PACRG: variants seen among roughly 807,000 people sequenced by gnomAD.
PACRG encodes parkin coregulated gene protein.
In PACRG, 29 loss-of-function variants were observed where a neutral mutation model predicts 29.7. The observed-to-expected ratio is 0.98, with a 90% confidence interval of 0.73 to 1.33. The LOEUF (loss-of-function observed/expected upper bound fraction) is 1.33. PACRG is among the 40% of genes most tolerant of loss of function. The pLI is 0.00. For synonymous variants in PACRG, 116 were observed against 118.7 expected (o/e 0.98, Z 0.15); for missense variants, 279 against 316.2 (o/e 0.88, Z 0.89).
intron 4 of PACRG, among the ~76,000 whole-genome samples, chr6:163,103,102 G>T (rs1815190973): frequency 6.6e-6 from 1 of 152,172 alleles, no homozygotes; most frequent in Non-Finnish European, 1.5e-5. Flanking sequence ...TTATCTCACA[G>T]TTCTGCAGAT....
chr6:162,932,639 AT>A (rs1562748451), intron 2 of PACRG, among the ~76,000 whole-genome samples: 1 of 151,570 alleles, frequency 6.6e-6, no homozygotes, highest in Non-Finnish European at 1.5e-5. Context: ...GAAGCTTATC[AT>A]TTTTTTCTAG....
At chr6:163,017,095 C>G (rs961591525) in intron 2 of PACRG, among the ~76,000 whole-genome samples, 49 of 152,068 alleles carry the variant, frequency 3.2e-4, no homozygotes, top group African/African-American at 1.2e-3. Context: ...TTTCAGTTAA[C>G]TTTTCCTTAG....
intron 4 of PACRG, among the ~76,000 whole-genome samples, chr6:163,266,498 G>A (rs1783531626): frequency 6.6e-6 from 1 of 152,200 alleles, no homozygotes; most frequent in Non-Finnish European, 1.5e-5. Context: ...GGGGAAATGT[G>A]TGGAACAGAT....
chr6:162,929,294 TA>T (rs373842852), intron 2 of PACRG, among the ~76,000 whole-genome samples: 5 of 152,138 alleles, frequency 3.3e-5, no homozygotes, highest in Non-Finnish European at 7.4e-5. Flanking sequence ...TCCTTTTTGG[TA>T]AAAGGCATTT....
chr6:162,875,321 T>TC, intron 2 of PACRG, among the ~76,000 whole-genome samples: 1 of 149,960 alleles, frequency 6.7e-6, no homozygotes, highest in Admixed American at 6.6e-5. Flanking sequence ...GCACAGACAT[T>TC]CACACACAGA....
At position 162,920,548 on chromosome 6, in the gene PACRG, G is replaced by A. The variant is rs182173116; in HGVS notation, c.291+106267G>A. On this transcript the variant is annotated intron_variant, in intron 2 of 4. Transcript: ENST00000366888. Reference sequence around the variant, plus strand: ...TAAGGGATGAAATCACTACTTTTTAGTTTTTTATTTCTAGCATTTTCCAGT... The same window carrying A: ...TAAGGGATGAAATCACTACTTTTTAATTTTTTATTTCTAGCATTTTCCAGT... Among the ~76,000 whole-genome samples, 30 of 152,212 alleles carry A rather than the reference G, an allele frequency of 2.0e-4. 1 individual carries two copies. Among genetic ancestry groups the A allele is most frequent in the Non-Finnish European group, 4.0e-4 (27 of 68,004 alleles).
chr6:163,245,492 G>A (rs1782659589), intron 4 of PACRG, among the ~76,000 whole-genome samples: 1 of 152,066 alleles, frequency 6.6e-6, no homozygotes, highest in Non-Finnish European at 1.5e-5. Flanking sequence ...TTGGAGAGCC[G>A]CACGTTAATA....
At chr6:163,062,690 G>C (rs1562879361) in intron 3 of PACRG, among the ~76,000 whole-genome samples, 1 of 152,150 alleles carries the variant, frequency 6.6e-6, no homozygotes. Flanking sequence ...ACACCGTTAT[G>C]TTGAGTATAT....
chr6:163,078,915 A>G (rs1002967383), intron 3 of PACRG, among the ~76,000 whole-genome samples: 1 of 151,816 alleles, frequency 6.6e-6, no homozygotes, highest in African/African-American at 2.4e-5. Flanking sequence ...GCCGCTTTGA[A>G]CATTTCTCAT....
chr6:163,184,110 A>G (rs1779801947), intron 4 of PACRG, among the ~76,000 whole-genome samples: 1 of 152,230 alleles, frequency 6.6e-6, no homozygotes, highest in Non-Finnish European at 1.5e-5. Flanking sequence ...TGAAAATAGA[A>G]TCTCCTCACC....
intron 4 of PACRG, among the ~76,000 whole-genome samples, chr6:163,141,539 G>A (rs1334433769): frequency 6.7e-6 from 1 of 150,220 alleles, no homozygotes; most frequent in Non-Finnish European, 1.5e-5. Context: ...TGTTTTATCT[G>A]GAAGAAAGTT....
chr6:162,832,785 A>G (rs2128396181), intron 2 of PACRG, among the ~76,000 whole-genome samples: 1 of 150,838 alleles, frequency 6.6e-6, no homozygotes, highest in South Asian at 2.1e-4. Flanking sequence ...TAGGAACTGA[A>G]CCTCTAGCTT....
At chr6:163,064,527 A>T (rs1402893585) in intron 3 of PACRG, among the ~76,000 whole-genome samples, 3 of 152,218 alleles carry the variant, frequency 2.0e-5, no homozygotes, top group African/African-American at 7.2e-5. Flanking sequence ...ACTGATCCTG[A>T]GTGTAACTGC....
At chr6:163,118,736 C>G (rs1179216991) in intron 4 of PACRG, among the ~76,000 whole-genome samples, 1 of 152,146 alleles carries the variant, frequency 6.6e-6, no homozygotes, top group East Asian at 1.9e-4. Flanking sequence ...AATAAGGTAA[C>G]AGAAGTTCCA....
intron 2 of PACRG, among the ~76,000 whole-genome samples, chr6:162,939,701 GTC>G (rs976441165): frequency 1.4e-5 from 2 of 141,554 alleles, no homozygotes; most frequent in African/African-American, 2.7e-5. Flanking sequence ...GTGTGTGTGT[GTC>G]ACTTAGCTGA....
intron 4 of PACRG, among the ~76,000 whole-genome samples, chr6:163,159,847 A>G (rs1585278606): frequency 6.6e-6 from 1 of 151,958 alleles, no homozygotes; most frequent in African/African-American, 2.4e-5. Flanking sequence ...ACTGGTAGAC[A>G]CCTTCCCCTC....
At chr6:163,290,799 C>T (rs1265250418) in intron 4 of PACRG, among the ~76,000 whole-genome samples, 3 of 152,166 alleles carry the variant, frequency 2.0e-5, no homozygotes, top group African/African-American at 7.2e-5. Flanking sequence ...ACAATGGTCA[C>T]TTAAAAATGT....
chr6:162,962,682 G>A (rs11964705), intron 2 of PACRG, among the ~76,000 whole-genome samples: 23,710 of 152,156 alleles, frequency 0.16, 3,250 homozygotes, highest in African/African-American at 0.36. Flanking sequence ...CCAGCATCTT[G>A]ATCTTGGACT....
chr6:162,734,627 A>G (rs1304790984), intron 1 of PACRG, among the ~76,000 whole-genome samples: 2 of 152,280 alleles, frequency 1.3e-5, no homozygotes, highest in South Asian at 2.1e-4. Flanking sequence ...TTTTCCAACC[A>G]ATCTTATGAA....
Sources: allele counts gnomAD v4.1 joint callset (sites outside exome capture counted in the v4.1 genomes callset), GRCh38; gene constraint gnomAD v4.1.1; transcripts MANE v1.5; gene names NCBI Gene and HGNC (gene_info 2026-07-23, HGNC 2026-07-21).